Variants in PRKN observed in about 807,000 individuals in gnomAD.
PRKN encodes parkin RBR E3 ubiquitin protein ligase, also known as E3 ubiquitin-protein ligase parkin.
A neutral mutation model predicts 59.5 loss-of-function variants in PRKN; 56 were observed. That is an observed-to-expected ratio of 0.94 (90% CI 0.76 to 1.18). The LOEUF is 1.18. Among genes scored for constraint, PRKN ranks in the 50% most tolerant of loss-of-function variants. PRKN has a pLI of 0.00. For synonymous variants in PRKN, 250 were observed against 222.1 expected (o/e 1.13, Z -1.12); for missense variants, 657 against 596.4 (o/e 1.10, Z -1.06).
intron 2 of PRKN, among the ~76,000 whole-genome samples, chr6:162,394,386 A>G (rs960138869): frequency 6.6e-6 from 1 of 152,176 alleles, no homozygotes; most frequent in Admixed American, 6.5e-5. Context: ...TGTAATCCTT[A>G]TCATGGCGTT....
intron 6 of PRKN, among the ~76,000 whole-genome samples, chr6:161,932,778 C>A (rs12207191): frequency 0.076 from 11,514 of 151,680 alleles, 615 homozygotes; most frequent in Non-Finnish European, 0.11. Context: ...ATGGTTACAA[C>A]TATACTAGCA....
chr6:162,229,073 C>T (rs1005665317), intron 3 of PRKN, among the ~76,000 whole-genome samples: 2 of 152,200 alleles, frequency 1.3e-5, no homozygotes, highest in Admixed American at 6.5e-5. Context: ...GCTTACGTAT[C>T]TACCCTTTGC....
intron 1 of PRKN, among the ~76,000 whole-genome samples, chr6:162,521,363 T>TTA (rs1475120434): frequency 6.6e-6 from 1 of 152,212 alleles, no homozygotes; most frequent in Non-Finnish European, 1.5e-5. Flanking sequence ...TCCTTGTAAG[T>TTA]TATGGCTGCA....
At chr6:161,900,681 ATATAT>A (rs993645043) in intron 6 of PRKN, among the ~76,000 whole-genome samples, 22 of 130,936 alleles carry the variant, frequency 1.7e-4, no homozygotes, top group Non-Finnish European at 9.3e-5. Flanking sequence ...GTTATATATA[ATATAT>A]TATATATTAT....
At chr6:161,902,564 A>ATCTATTTTTTTTTTTTTTTTTTTTTTTT (rs1242030157) in intron 6 of PRKN, among the ~76,000 whole-genome samples, 1 of 112,046 alleles carries the variant, frequency 8.9e-6, no homozygotes, top group African/African-American at 3.4e-5. Context: ...TTATTTATTT[A>ATCTATTTTTTTTTTTTTTTTTTTTTTTT]TTTTTTTTTT....
intron 3 of PRKN, among the ~76,000 whole-genome samples, chr6:162,219,362 A>G (rs1393782299): frequency 6.6e-6 from 1 of 152,170 alleles, no homozygotes; most frequent in Non-Finnish European, 1.5e-5. Context: ...AAAACTGACA[A>G]GCCACCTGCA....
intron 3 of PRKN, among the ~76,000 whole-genome samples, chr6:162,233,478 C>T (rs935273041): frequency 6.6e-6 from 1 of 151,964 alleles, no homozygotes; most frequent in African/African-American, 2.4e-5. Context: ...AAACTAATAG[C>T]CTCAGTTATG....
chr6:162,555,478 A>G (rs1779522952), intron 1 of PRKN, among the ~76,000 whole-genome samples: 1 of 152,182 alleles, frequency 6.6e-6, no homozygotes, highest in African/African-American at 2.4e-5. Flanking sequence ...CCCAAATAGA[A>G]GCTTTCTTTT....
At chr6:161,501,279 G>A (rs1194217735) in intron 9 of PRKN, among the ~76,000 whole-genome samples, 1 of 152,188 alleles carries the variant, frequency 6.6e-6, no homozygotes, top group Non-Finnish European at 1.5e-5. Flanking sequence ...ATCCTCCCCA[G>A]CATCTGGTGG....
chr6:162,019,474 G>A (rs572921966), intron 5 of PRKN, among the ~76,000 whole-genome samples: 1 of 152,256 alleles, frequency 6.6e-6, no homozygotes, highest in Non-Finnish European at 1.5e-5. Context: ...AAGTCTCCCA[G>A]CAGCCTGCTA....
At chr6:162,375,590 A>G (rs1786019559) in intron 2 of PRKN, among the ~76,000 whole-genome samples, 1 of 152,092 alleles carries the variant, frequency 6.6e-6, no homozygotes, top group South Asian at 2.1e-4. Context: ...TATACTGTAA[A>G]TATTCAAAAC....
At chr6:162,079,182 T>C (rs2128293147) in intron 4 of PRKN, among the ~76,000 whole-genome samples, 1 of 152,128 alleles carries the variant, frequency 6.6e-6, no homozygotes, top group East Asian at 1.9e-4. Context: ...GAGAACAAGG[T>C]CAAGTGGAAG....
At chr6:162,241,250 A>C (rs1197661242) in intron 3 of PRKN, among the ~76,000 whole-genome samples, 1 of 152,168 alleles carries the variant, frequency 6.6e-6, no homozygotes, top group Non-Finnish European at 1.5e-5. Context: ...GGTTTTCTAC[A>C]TTATTTAGAT....
Position 162,385,071 on chromosome 6 carries a change from T to C in PRKN, c.171+58239A>G, listed in dbSNP as rs545865446. On this transcript the variant is annotated intron_variant, in intron 2 of 11. Coordinates refer to ENST00000366898, the MANE Select transcript of PRKN (RefSeq NM_004562.3). ...TTTAACTCCTGCAGCCTATTCTATT[T>C]CTTTAACAAAGACATACAGAATCAT... Among the ~76,000 whole-genome samples, 30 of 150,756 alleles carry C rather than the reference T, an allele frequency of 2.0e-4. No homozygotes were observed. The South Asian group carries it at 4.1e-3, about 20-fold the overall frequency.
intron 9 of PRKN, among the ~76,000 whole-genome samples, chr6:161,426,676 C>CACACACACACACACACACATAT (rs11271613): frequency 7.7e-5 from 11 of 142,678 alleles, no homozygotes; most frequent in African/African-American, 2.5e-4. Flanking sequence ...CACACACACA[C>CACACACACACACACACACATAT]CTCCTATTAG....
chr6:161,846,833 A>G (rs1056417827), intron 6 of PRKN, among the ~76,000 whole-genome samples: 6 of 152,114 alleles, frequency 3.9e-5, no homozygotes, highest in Admixed American at 3.3e-4. Context: ...TTTTTAATCT[A>G]TTTTGCATTG....
Position 162,220,725 on chromosome 6 carries a change from T to C in PRKN, c.413-19473A>G, listed in dbSNP as rs79780185. Among the ~76,000 whole-genome samples the C allele has an allele frequency of 8.0e-3, 1,217 of 152,290 alleles. 17 individuals carry two copies. Among genetic ancestry groups the C allele is most frequent in the African/African-American group, 0.028 (1,147 of 41,560 alleles). ...AACTCCACATGGACACAGAATGGTC[T>C]ACTCATGGCGCAGCCAAGGGGAGGG... is the stretch of plus-strand genomic sequence containing the variant. On this transcript the variant is annotated intron_variant, in intron 3 of 11. Coordinates refer to ENST00000366898, the MANE Select transcript of PRKN (RefSeq NM_004562.3).
chr6:161,756,248 C>G (rs1788911927), intron 7 of PRKN, among the ~76,000 whole-genome samples: 1 of 151,834 alleles, frequency 6.6e-6, no homozygotes, highest in South Asian at 2.1e-4. Context: ...TCGAGATCAC[C>G]GTGGCCAAAA....
intron 1 of PRKN, among the ~76,000 whole-genome samples, chr6:162,678,115 A>G (rs1488259454): frequency 6.6e-6 from 1 of 152,206 alleles, no homozygotes; most frequent in African/African-American, 2.4e-5. Flanking sequence ...AAATCATTTC[A>G]TGCTGTTGCA....
Sources: allele counts gnomAD v4.1 joint callset (sites outside exome capture counted in the v4.1 genomes callset), GRCh38; gene constraint gnomAD v4.1.1; transcripts MANE v1.5; gene names NCBI Gene and HGNC (gene_info 2026-07-23, HGNC 2026-07-21).